ZFP91: variants seen among roughly 807,000 people sequenced by gnomAD.
The protein encoded by ZFP91 is E3 ubiquitin-protein ligase ZFP91.
ZFP91 carries 7 observed loss-of-function variants against 63.5 expected under a neutral mutation model. The ratio of observed to expected loss-of-function variants is 0.11; its 90% CI spans 0.06 to 0.21. The LOEUF is 0.21. Ranked by LOEUF, ZFP91 falls within the 10% of genes least tolerant of loss-of-function variation. The pLI is 1.00. For synonymous variants in ZFP91, 330 were observed against 272.1 expected (o/e 1.21, Z -2.10); for missense variants, 628 against 736.6 (o/e 0.85, Z 1.71).
Position 58,609,859 on chromosome 11 carries a change from G to A in ZFP91, c.400G>A (p.Asp134Asn), listed in dbSNP as rs373167679. ...DPKEEKEEED[D>N]SALPQEVSIA... Reference sequence around the variant, plus strand: ...CAAGGAAGAAAAAGAGGAAGAAGACGATTCTGCCCTCCCTCAGGAAGTTTC... The same window carrying A: ...CAAGGAAGAAAAAGAGGAAGAAGACAATTCTGCCCTCCCTCAGGAAGTTTC... The change falls in exon 3 of 11, where the codon GAT (aspartate) becomes AAT (asparagine). Residue 134 changes from aspartate (D) to asparagine (N), a missense_variant. Around this residue, in one of 3 missense-constraint regions of ZFP91, gnomAD observed 437 missense variants for 380.3 expected, o/e 1.15. Coordinates refer to ENST00000316059, the MANE Select transcript of ZFP91 (RefSeq NM_053023.5). 1.1e-4 allele frequency: 181 copies of A among 1,614,012 alleles called. No homozygotes were observed. Among genetic ancestry groups the A allele is most frequent in the Middle Eastern group, 1.6e-4 (1 of 6,082 alleles).
intron 2 of ZFP91, among the ~76,000 whole-genome samples, chr11:58,608,740 G>A (rs899943966): frequency 6.6e-6 from 1 of 152,134 alleles, no homozygotes; most frequent in Admixed American, 6.6e-5. Flanking sequence ...CAGTAGCTGG[G>A]ATTGCAGTTA....
chr11:58,579,520 G>A lies in ZFP91; in HGVS notation c.239G>A (p.Arg80Gln). 3 of 1,564,034 alleles carry A rather than the reference G, an allele frequency of 1.9e-6. No homozygotes were observed. The highest frequency in any genetic ancestry group is 2.6e-6 in the Non-Finnish European group (3 of 1,160,550). The change falls in exon 1 of 11, where the codon CGG (arginine) becomes CAG (glutamine). Residue 80 changes from arginine to glutamine, a missense_variant. Arg to Gln is a conservative substitution (Grantham distance 43). Transcript: ENST00000316059. ...AGGAAGGCCGAGTATCCCCGCCGGCGGAGGAGCAGCCCCAGCGCCAGGCCT... is the reference window on the plus strand; with the variant it reads ...AGGAAGGCCGAGTATCCCCGCCGGCAGAGGAGCAGCCCCAGCGCCAGGCCT... ...RRRKAEYPRR[R>Q]RSSPSARPPD...
intron 2 of ZFP91, among the ~76,000 whole-genome samples, chr11:58,606,189 G>A (rs957851699): frequency 7.9e-5 from 12 of 152,090 alleles, no homozygotes; most frequent in Non-Finnish European, 1.5e-5. Flanking sequence ...AGCCTCCCAA[G>A]TAGCTGAGAA....
rs1406320115 is a variant in ZFP91 at position 58,619,185 on chromosome 11, T to C, written c.*1479T>C. ...AGAGGAAAAACTTCAATAGCCAAAGTTAATAATCCTATATAATAATTGCTT... is the reference window on the plus strand; with the variant it reads ...AGAGGAAAAACTTCAATAGCCAAAGCTAATAATCCTATATAATAATTGCTT... On this transcript the variant is annotated 3_prime_UTR_variant, in exon 11 of 11. Transcript: ENST00000316059. 1 of 152,950 alleles carries C rather than the reference T, an allele frequency of 6.5e-6. No individual in the cohort carries two copies. The highest frequency in any genetic ancestry group is 1.5e-5 in the Non-Finnish European group (1 of 68,436). 9.5% of individuals were successfully genotyped at this position (152,950 alleles called of 1,614,324 possible). A position where few individuals can be genotyped will look rare whatever the true frequency, so the allele number is the denominator to read the frequency against.
At chr11:58,597,766 A>G (rs1855426376) in intron 2 of ZFP91, among the ~76,000 whole-genome samples, 1 of 152,176 alleles carries the variant, frequency 6.6e-6, no homozygotes, top group Non-Finnish European at 1.5e-5. Context: ...AATACTTTTT[A>G]TGTTGGATTC....
intron 2 of ZFP91, among the ~76,000 whole-genome samples, chr11:58,585,591 G>C (rs914934050): frequency 6.6e-6 from 1 of 151,924 alleles, no homozygotes; most frequent in East Asian, 1.9e-4. Flanking sequence ...CTTTTATTAC[G>C]TGTGACCTTG....
chr11:58,583,245 T>C (rs1257324375), intron 1 of ZFP91, among the ~76,000 whole-genome samples: 1 of 152,152 alleles, frequency 6.6e-6, no homozygotes, highest in African/African-American at 2.4e-5. Flanking sequence ...ATTTCAAAAC[T>C]TAAAACTTTA....
chr11:58,609,279 A>G (rs1022532439), intron 2 of ZFP91, among the ~76,000 whole-genome samples: 5 of 152,236 alleles, frequency 3.3e-5, no homozygotes, highest in African/African-American at 1.2e-4. Context: ...CTGAAACAGA[A>G]TAGCACCAGA....
chr11:58,616,340 T>G (rs1855748514), intron 9 of ZFP91, among the ~76,000 whole-genome samples: 2 of 152,160 alleles, frequency 1.3e-5, no homozygotes, highest in African/African-American at 2.4e-5. Context: ...CAGTTTTCAT[T>G]GTCTGTGAAA....
chr11:58,616,880 G>A (rs1282201923), intron 10 of ZFP91, 65 bp downstream of exon 10: 15 of 1,473,360 alleles, frequency 1.0e-5, no homozygotes, highest in Admixed American at 7.0e-5. Context: ...AAGGTTTGCC[G>A]CTTTACAAAC....
At chr11:58,579,649 G>A (rs907969067) in intron 1 of ZFP91, 27 bp downstream of exon 1, 1 of 1,526,788 alleles carries the variant, frequency 6.5e-7, no homozygotes, top group Middle Eastern at 1.9e-4. Context: ...CAGGCGGTGG[G>A]AAAGACCCCC....
At chr11:58,589,285 G>T (rs887157065) in intron 2 of ZFP91, among the ~76,000 whole-genome samples, 3 of 152,080 alleles carry the variant, frequency 2.0e-5, no homozygotes, top group African/African-American at 7.2e-5. Context: ...GTGTTGCCTA[G>T]CCTGGTCTGG....
chr11:58,611,721 T>C lies in ZFP91; in HGVS notation c.840T>C (p.Asp280=). 6.2e-7 allele frequency: 1 copy of C among 1,609,854 alleles called. No individual in the cohort carries two copies. The highest frequency in any genetic ancestry group is 8.5e-7 in the Non-Finnish European group (1 of 1,177,960). ...VKEEENEIRE[D]EEPPRKRGRR... Reference sequence around the variant, plus strand: ...AAGAGGAGAATGAAATTAGAGAGGATGAGGAACCTCCAAGGAAGTGAGTAG... The same window carrying C: ...AAGAGGAGAATGAAATTAGAGAGGACGAGGAACCTCCAAGGAAGTGAGTAG... The change falls in exon 6 of 11, where the codon GAT becomes GAC. Residue 280 remains aspartate (D), a synonymous_variant. Transcript: ENST00000316059.
intron 2 of ZFP91, among the ~76,000 whole-genome samples, chr11:58,599,259 A>G (rs1055426835): frequency 6.6e-6 from 1 of 152,070 alleles, no homozygotes; most frequent in African/African-American, 2.4e-5. Flanking sequence ...TTGTGCTTCT[A>G]TGAATATTCA....
intron 1 of ZFP91, among the ~76,000 whole-genome samples, chr11:58,583,321 T>A (rs11605683): frequency 0.2 from 30,253 of 152,138 alleles, 3,224 homozygotes; most frequent in Middle Eastern, 0.31. Context: ...ATACTGAGTA[T>A]TTTTAGATGT....
intron 2 of ZFP91, among the ~76,000 whole-genome samples, chr11:58,602,148 C>T (rs1296848165): frequency 6.6e-6 from 1 of 152,190 alleles, no homozygotes; most frequent in Admixed American, 6.5e-5. Flanking sequence ...ATCTCAAACT[C>T]CTGACCTCAG....
At chr11:58,587,159 A>G (rs1375218673) in intron 2 of ZFP91, among the ~76,000 whole-genome samples, 1 of 152,206 alleles carries the variant, frequency 6.6e-6, no homozygotes, top group East Asian at 1.9e-4. Flanking sequence ...AATAATAAAC[A>G]TGAGTATTAG....
chr11:58,596,097 A>G (rs1029963313), intron 2 of ZFP91, among the ~76,000 whole-genome samples: 26 of 152,186 alleles, frequency 1.7e-4, no homozygotes, highest in African/African-American at 6.0e-4. Flanking sequence ...TTCATATTTT[A>G]TATGTGTATT....
intron 1 of ZFP91, among the ~76,000 whole-genome samples, chr11:58,581,607 C>A (rs1301089471): frequency 1.3e-5 from 2 of 152,212 alleles, no homozygotes; most frequent in Non-Finnish European, 2.9e-5. Flanking sequence ...GTGATCCACC[C>A]GCCTCAGCCT....
Sources: allele counts gnomAD v4.1 joint callset (sites outside exome capture counted in the v4.1 genomes callset), GRCh38; gene constraint gnomAD v4.1.1; regional missense constraint gnomAD v4.1.1; transcripts MANE v1.5; gene names NCBI Gene and HGNC (gene_info 2026-07-23, HGNC 2026-07-21).